The following FRMD5 variants were observed in gnomAD, a reference collection of about 807,000 sequenced individuals.
FRMD5 encodes the protein FERM domain-containing protein 5.
In FRMD5, 20 loss-of-function variants were observed where a neutral mutation model predicts 69.0. The ratio of observed to expected loss-of-function variants is 0.29; its 90% CI spans 0.20 to 0.42. FRMD5 has a LOEUF of 0.42. Ranked by LOEUF, FRMD5 falls within the 10% of genes least tolerant of loss-of-function variation. FRMD5 has a pLI of 1.00. For missense variants in FRMD5, 595 were observed against 708.6 expected, an observed-to-expected ratio of 0.84 and a Z score of 1.82; for synonymous variants, 271 against 260.1, an observed-to-expected ratio of 1.04 and a Z score of -0.40.
chr15:44,123,429 G>C (rs1000191379), intron 1 of FRMD5, among the ~76,000 whole-genome samples: 1 of 151,956 alleles, frequency 6.6e-6, no homozygotes, highest in Non-Finnish European at 1.5e-5. Flanking sequence ...TACTATTTTC[G>C]TATATAAACA....
At chr15:44,038,203 T>G (rs1435871839) in intron 1 of FRMD5, among the ~76,000 whole-genome samples, 3 of 152,218 alleles carry the variant, frequency 2.0e-5, no homozygotes, top group African/African-American at 7.2e-5. Flanking sequence ...CTTTGTCAGA[T>G]GGATAGATTG....
intron 1 of FRMD5, among the ~76,000 whole-genome samples, chr15:44,153,372 G>T (rs540529160): frequency 1.3e-5 from 2 of 152,074 alleles, no homozygotes; most frequent in Non-Finnish European, 2.9e-5. Flanking sequence ...TATAATGAAG[G>T]ATTATTCAGA....
At chr15:43,978,239 A>G (rs1220705067) in intron 1 of FRMD5, among the ~76,000 whole-genome samples, 1 of 152,200 alleles carries the variant, frequency 6.6e-6, no homozygotes, top group African/African-American at 2.4e-5. Flanking sequence ...AGTCATTAGC[A>G]AAATACAAAT....
At chr15:43,907,080 G>C (rs933128880) in intron 5 of FRMD5, among the ~76,000 whole-genome samples, 3 of 152,080 alleles carry the variant, frequency 2.0e-5, no homozygotes, top group Non-Finnish European at 4.4e-5. Context: ...CTTTTTCCAC[G>C]TGAAGCTCTC....
At chr15:44,005,537 G>A (rs1158375395) in intron 1 of FRMD5, among the ~76,000 whole-genome samples, 1 of 151,220 alleles carries the variant, frequency 6.6e-6, no homozygotes, top group Non-Finnish European at 1.5e-5. Context: ...AAAGAAAAGA[G>A]GTTTAATTGA....
chr15:43,886,817 T>C (rs1158926813), intron 10 of FRMD5, among the ~76,000 whole-genome samples: 2 of 152,216 alleles, frequency 1.3e-5, no homozygotes, highest in Non-Finnish European at 2.9e-5. Flanking sequence ...TGAGAGACAC[T>C]GAGGGCAAGG....
In FRMD5 at chr15:43,873,652, C is replaced by A. The variant is rs1444747126; in HGVS notation, c.*233G>T. The A allele has an allele frequency of 5.4e-6, 8 of 1,494,882 alleles. No individual in the cohort carries two copies. The highest frequency in any genetic ancestry group is 1.3e-5 in the South Asian group (1 of 76,600). The allele number at this position is 1,494,882 out of a possible 1,614,324, so 92.6% of individuals were successfully genotyped here. ...AAAGATGAGAAACAGAGTCGCTGAG[C>A]CTTTCTTGAAATAACTTCTGAAGAA... On this transcript the variant is annotated 3_prime_UTR_variant, in exon 14 of 14. Coordinates refer to ENST00000417257, the MANE Select transcript of FRMD5 (RefSeq NM_032892.5).
At chr15:44,073,349 T>C (rs1206665885) in intron 1 of FRMD5, among the ~76,000 whole-genome samples, 1 of 152,132 alleles carries the variant, frequency 6.6e-6, no homozygotes, top group African/African-American at 2.4e-5. Flanking sequence ...TTAAAGTTAA[T>C]TACTAATATT....
At chr15:43,962,084 G>A (rs2090211785) in intron 1 of FRMD5, among the ~76,000 whole-genome samples, 1 of 152,264 alleles carries the variant, frequency 6.6e-6, no homozygotes, top group South Asian at 2.1e-4. Context: ...GAAATAAAGG[G>A]CATTCAATTA....
intron 1 of FRMD5, among the ~76,000 whole-genome samples, chr15:44,004,010 C>A (rs1308586205): frequency 6.6e-6 from 1 of 152,166 alleles, no homozygotes; most frequent in African/African-American, 2.4e-5. Flanking sequence ...TTATTAGGAA[C>A]CCAGCATTAT....
At chr15:44,153,123 T>C (rs2077472576) in intron 1 of FRMD5, among the ~76,000 whole-genome samples, 1 of 152,172 alleles carries the variant, frequency 6.6e-6, no homozygotes, top group African/African-American at 2.4e-5. Flanking sequence ...GACTATAAAA[T>C]GGTACAGCCA....
At chr15:44,024,209 ACTCC>A (rs1428295456) in intron 1 of FRMD5, among the ~76,000 whole-genome samples, 3 of 151,580 alleles carry the variant, frequency 2.0e-5, no homozygotes, top group Non-Finnish European at 4.4e-5. Flanking sequence ...ATTTGTTTTA[ACTCC>A]CTATGATTTT....
At chr15:43,989,455 C>A in intron 1 of FRMD5, 1 of 802,584 alleles carries the variant, frequency 1.2e-6, no homozygotes. Flanking sequence ...ACCTGGCCGT[C>A]GGGCAGCTTG....
At chr15:44,109,880 T>C (rs2076772974) in intron 1 of FRMD5, among the ~76,000 whole-genome samples, 1 of 152,228 alleles carries the variant, frequency 6.6e-6, no homozygotes, top group Admixed American at 6.5e-5. Context: ...TTTTCCAGAA[T>C]GTCATATAGT....
At chr15:44,134,355 T>A (rs2042738) in intron 1 of FRMD5, among the ~76,000 whole-genome samples, 3 of 152,120 alleles carry the variant, frequency 2.0e-5, no homozygotes, top group African/African-American at 7.2e-5. Flanking sequence ...GAGGGCAATA[T>A]TAACAGCGCT....
intron 1 of FRMD5, among the ~76,000 whole-genome samples, chr15:44,081,533 A>T (rs2140448271): frequency 6.6e-6 from 1 of 152,198 alleles, no homozygotes; most frequent in Admixed American, 6.6e-5. Flanking sequence ...TCTTTCACAC[A>T]CAAAAATGAA....
intron 1 of FRMD5, among the ~76,000 whole-genome samples, chr15:44,024,082 G>GT (rs901754685): frequency 4.0e-4 from 61 of 152,070 alleles, no homozygotes; most frequent in Non-Finnish European, 1.6e-4. Context: ...ATAAACATTT[G>GT]TTAAGTGTTA....
intron 1 of FRMD5, among the ~76,000 whole-genome samples, chr15:43,956,842 G>T (rs184836701): frequency 5.1e-4 from 78 of 152,324 alleles, no homozygotes; most frequent in Middle Eastern, 3.4e-3. Flanking sequence ...CTGGCCATTG[G>T]TTAGACAACT....
At chr15:43,934,451 GT>G (rs374355593) in intron 1 of FRMD5, among the ~76,000 whole-genome samples, 4 of 151,346 alleles carry the variant, frequency 2.6e-5, no homozygotes, top group East Asian at 1.9e-4. Flanking sequence ...ATTTAAAACA[GT>G]TTTTTTTTCT....
Sources: gnomAD v4.1 joint callset for allele counts (sites outside exome capture counted in the v4.1 genomes callset) on GRCh38, gnomAD v4.1.1 for gene constraint, MANE v1.5 for transcripts, NCBI Gene and HGNC (gene_info 2026-07-23, HGNC 2026-07-21) for gene names.